The following CPPED1 variants were observed in gnomAD, a reference collection of about 807,000 sequenced individuals.
The protein encoded by CPPED1 is calcineurin like phosphoesterase domain containing 1, also known as serine/threonine-protein phosphatase CPPED1.
CPPED1 carries 28 observed loss-of-function variants against 28.0 expected under a neutral mutation model. That is an observed-to-expected ratio of 1.00 (90% CI 0.74 to 1.37). The LOEUF (loss-of-function observed/expected upper bound fraction) is 1.37. CPPED1 is among the 40% of genes most tolerant of loss of function. The probability of loss-of-function intolerance (pLI) is 0.00; values close to 1 mark genes in which losing one functional copy is unlikely to be tolerated. For synonymous variants in CPPED1, 198 were observed against 180.2 expected (o/e 1.10, Z -0.79); for missense variants, 504 against 416.5 (o/e 1.21, Z -1.83).
intron 2 of CPPED1, among the ~76,000 whole-genome samples, chr16:12,749,537 T>C (rs898494846): frequency 9.2e-5 from 14 of 152,328 alleles, no homozygotes; most frequent in African/African-American, 3.4e-4. Context: ...AATCGACTTC[T>C]TCCAAACTCC....
intron 2 of CPPED1, among the ~76,000 whole-genome samples, chr16:12,707,226 G>T (rs1209367178): frequency 6.6e-6 from 1 of 152,208 alleles, no homozygotes; most frequent in East Asian, 1.9e-4. Context: ...TTTTCTCAAA[G>T]ACCTCAAAGC....
At chr16:12,678,705 TA>T (rs1313508844) in intron 3 of CPPED1, among the ~76,000 whole-genome samples, 5 of 152,230 alleles carry the variant, frequency 3.3e-5, no homozygotes, top group Non-Finnish European at 7.3e-5. Flanking sequence ...TGATAGTATA[TA>T]AAAATACAAT....
chr16:12,682,909 T>C lies in CPPED1; in HGVS notation c.716-17794A>G, dbSNP rs143118621. Reference sequence around the variant, plus strand: ...GAATGGACAATTTTCTAGATTTCCATGCTCTATCTTAAACACAGCTGTCAG... The same window carrying C: ...GAATGGACAATTTTCTAGATTTCCACGCTCTATCTTAAACACAGCTGTCAG... On this transcript the variant is annotated intron_variant, in intron 3 of 3. Coordinates refer to ENST00000381774, the MANE Select transcript of CPPED1 (RefSeq NM_018340.3). The surrounding 1 kb of genome is among the most constrained non-coding windows in gnomAD (Gnocchi z 6.1). 2.0e-5 allele frequency among the ~76,000 whole-genome samples: 3 copies of C among 152,370 alleles called. No individual in the cohort carries two copies. The highest frequency in any genetic ancestry group is 3.9e-4 in the East Asian group (2 of 5,184).
intron 1 of CPPED1, 87 bp downstream of exon 1, chr16:12,803,620 G>T (rs762474642): frequency 1.1e-5 from 13 of 1,181,026 alleles, no homozygotes; most frequent in Non-Finnish European, 1.4e-5. Context: ...TGTCCGACTG[G>T]CGGAGCGCAC....
intron 3 of CPPED1, among the ~76,000 whole-genome samples, chr16:12,672,299 C>T (rs1371306187): frequency 6.6e-6 from 1 of 152,224 alleles, no homozygotes; most frequent in African/African-American, 2.4e-5. Flanking sequence ...AGTTATCCTT[C>T]AGAAATCCCC....
Position 12,803,814 on chromosome 16 carries a change from TG to T in CPPED1, c.-39del. On this transcript the variant is annotated 5_prime_UTR_variant, in exon 1 of 4. Coordinates refer to ENST00000381774, the MANE Select transcript of CPPED1 (RefSeq NM_018340.3). The stretch of plus-strand genomic sequence containing the variant: ...TCTGGCCTTCACTTAGAACACTGCG[TG>T]GGTGGAAGCCGCGCGACTTCACACA... The T allele has an allele frequency of 1.3e-6, 2 of 1,571,168 alleles. No individual in the cohort carries two copies. The highest frequency in any genetic ancestry group is 8.6e-7 in the Non-Finnish European group (1 of 1,157,224).
intron 3 of CPPED1, among the ~76,000 whole-genome samples, chr16:12,665,850 G>A (rs948234948): frequency 1.1e-4 from 17 of 152,100 alleles, no homozygotes; most frequent in African/African-American, 2.2e-4. Context: ...ACGTGAACTC[G>A]GGAGGTGGAG....
At chr16:12,723,020 C>T (rs1291986002) in intron 2 of CPPED1, among the ~76,000 whole-genome samples, 1 of 152,170 alleles carries the variant, frequency 6.6e-6, no homozygotes, top group African/African-American at 2.4e-5. Flanking sequence ...CAGCGGGGCT[C>T]TCTCAGAATC....
At chr16:12,727,560 G>T (rs892881486) in intron 2 of CPPED1, among the ~76,000 whole-genome samples, 2 of 152,100 alleles carry the variant, frequency 1.3e-5, no homozygotes, top group Admixed American at 6.5e-5. Context: ...TGTTGCTCAG[G>T]TTGGTCTTGA....
intron 2 of CPPED1, among the ~76,000 whole-genome samples, chr16:12,768,163 G>A (rs1447390606): frequency 2.0e-5 from 3 of 152,142 alleles, no homozygotes; most frequent in African/African-American, 7.2e-5. Context: ...GGACTCTTAA[G>A]ACCTTTCTGT....
chr16:12,719,724 CAGG>C (rs1201610055), intron 2 of CPPED1, among the ~76,000 whole-genome samples: 1 of 152,156 alleles, frequency 6.6e-6, no homozygotes, highest in Non-Finnish European at 1.5e-5. Flanking sequence ...CACCTGAGAT[CAGG>C]AGTTCAAGAC....
At chr16:12,734,505 A>C (rs1460988185) in intron 2 of CPPED1, among the ~76,000 whole-genome samples, 1 of 151,784 alleles carries the variant, frequency 6.6e-6, no homozygotes, top group Non-Finnish European at 1.5e-5. Flanking sequence ...TCAGCCTCCC[A>C]AGTAGCTGGG....
chr16:12,711,136 C>T (rs534852646), intron 2 of CPPED1, among the ~76,000 whole-genome samples: 23 of 152,202 alleles, frequency 1.5e-4, no homozygotes, highest in South Asian at 1.2e-3. Context: ...ATCCATACAA[C>T]GAAATATTAT....
chr16:12,766,752 G>A lies in CPPED1; in HGVS notation c.289+14433C>T, dbSNP rs116950679. On this transcript the variant is annotated intron_variant, in intron 2 of 3. Coordinates refer to ENST00000381774, the MANE Select transcript of CPPED1 (RefSeq NM_018340.3). Reference sequence around the variant, plus strand: ...CCACTGCACTCCAGCCTGGGTGACGGATCAAGACTCCGTCTCAAATAAAAA... The same window carrying A: ...CCACTGCACTCCAGCCTGGGTGACGAATCAAGACTCCGTCTCAAATAAAAA... 1.2e-3 allele frequency among the ~76,000 whole-genome samples: 178 copies of A among 152,170 alleles called. 2 individuals are homozygous for A. The East Asian group carries it at 0.026, about 22-fold the overall frequency.
At chr16:12,717,157 T>C (rs981379403) in intron 2 of CPPED1, among the ~76,000 whole-genome samples, 1 of 151,856 alleles carries the variant, frequency 6.6e-6, no homozygotes, top group Non-Finnish European at 1.5e-5. Context: ...CAGTAAAGAG[T>C]AAACAAATCA....
chr16:12,778,277 C>CTTTTTTTTTTTTTTTTTTTTT (rs371883790), intron 2 of CPPED1, among the ~76,000 whole-genome samples: 4 of 116,162 alleles, frequency 3.4e-5, no homozygotes, highest in South Asian at 2.8e-4. Flanking sequence ...TTCTTTCTTT[C>CTTTTTTTTTTTTTTTTTTTTT]TTTTTTTTTT....
intron 2 of CPPED1, among the ~76,000 whole-genome samples, chr16:12,772,691 G>A (rs7198455): frequency 3.3e-5 from 5 of 152,116 alleles, no homozygotes; most frequent in African/African-American, 4.8e-5. Context: ...AGTTAACTCG[G>A]GGAATGACAT....
chr16:12,788,184 T>C (rs777458906), intron 1 of CPPED1, among the ~76,000 whole-genome samples: 2 of 152,158 alleles, frequency 1.3e-5, no homozygotes, highest in Non-Finnish European at 2.9e-5. Context: ...ATGATGGAAT[T>C]AACACCCCAT....
At chr16:12,782,068 T>C (rs780988359) in intron 1 of CPPED1, among the ~76,000 whole-genome samples, 33 of 152,210 alleles carry the variant, frequency 2.2e-4, no homozygotes, top group Middle Eastern at 3.4e-3. Context: ...GGGACTCTTT[T>C]ATGTTCTTGG....
Sources: allele counts gnomAD v4.1 joint callset (sites outside exome capture counted in the v4.1 genomes callset), GRCh38; gene constraint gnomAD v4.1.1; non-coding constraint Gnocchi (gnomAD v3.1); transcripts MANE v1.5; gene names NCBI Gene and HGNC (gene_info 2026-07-23, HGNC 2026-07-21).